Variants in KIAA1549L observed in about 807,000 individuals in gnomAD.
KIAA1549L encodes the protein UPF0606 protein KIAA1549L.
A neutral mutation model predicts 160.7 loss-of-function variants in KIAA1549L; 88 were observed. The observed-to-expected ratio is 0.55, with a 90% CI of 0.46 to 0.65. KIAA1549L has a LOEUF of 0.65. Ranked by LOEUF, KIAA1549L falls within the 30% of genes least tolerant of loss-of-function variation. The probability of loss-of-function intolerance (pLI) is 0.00; values close to 1 mark genes in which losing one functional copy is unlikely to be tolerated. For missense variants in KIAA1549L, 2,258 were observed against 2,437.5 expected, an observed-to-expected ratio of 0.93 and a Z score of 1.55; for synonymous variants, 950 against 976.7, an observed-to-expected ratio of 0.97 and a Z score of 0.51.
intron 15 of KIAA1549L, among the ~76,000 whole-genome samples, chr11:33,612,537 G>A (rs954518086): frequency 2.6e-5 from 4 of 152,014 alleles, no homozygotes; most frequent in Non-Finnish European, 4.4e-5. Flanking sequence ...GATTACAGGC[G>A]TGAGCCACTG....
At chr11:33,455,246 C>CTTT in intron 1 of KIAA1549L, among the ~76,000 whole-genome samples, 1 of 152,206 alleles carries the variant, frequency 6.6e-6, no homozygotes, top group South Asian at 2.1e-4. Context: ...ATAACAAGTG[C>CTTT]TTTAGAACTG....
At position 33,543,045 on chromosome 11, in the gene KIAA1549L, A is replaced by G. The variant is rs756747967; in HGVS notation, c.1482A>G (p.Pro494=). 3.7e-6 allele frequency: 6 copies of G among 1,613,910 alleles called. No individual in the cohort carries two copies. Among genetic ancestry groups the G allele is most frequent in the African/African-American group, 1.3e-5 (1 of 75,046 alleles). ...AILSGAVPAS[P]STGTADFPSI... is the part of the protein sequence containing the mutation. ...TTTCTGGGGCGGTTCCCGCATCACCATCAACTGGGACAGCCGACTTTCCCT... is the reference window on the plus strand; with the variant it reads ...TTTCTGGGGCGGTTCCCGCATCACCGTCAACTGGGACAGCCGACTTTCCCT... The change falls in exon 2 of 21, where the codon CCA becomes CCG. Residue 494 remains proline, a synonymous_variant. Transcript: ENST00000658780.
In KIAA1549L at chr11:33,380,456, G is replaced by C. The variant is rs552200799; in HGVS notation, c.238+3567G>C. The stretch of plus-strand genomic sequence containing the variant: ...ATACCAAAGAATTTCTTCTGATTAC[G>C]TGATCAATTTTAGCATCAGTGACGT... On this transcript the variant is annotated intron_variant, in intron 1 of 20. Coordinates refer to ENST00000658780, the MANE Select transcript of KIAA1549L (RefSeq NM_012194.3). Among the ~76,000 whole-genome samples, 16 of 152,284 alleles carry C rather than the reference G, an allele frequency of 1.1e-4. No individual in the cohort carries two copies. The South Asian group carries it at 2.7e-3, about 26-fold the overall frequency.
At chr11:33,521,325 G>A (rs1590307301) in intron 1 of KIAA1549L, among the ~76,000 whole-genome samples, 1 of 152,338 alleles carries the variant, frequency 6.6e-6, no homozygotes, top group South Asian at 2.1e-4. Context: ...GACAGCCTGA[G>A]TTAAAATCAC....
chr11:33,580,571 C>CAAAA (rs368467299), intron 10 of KIAA1549L, among the ~76,000 whole-genome samples: 3 of 52,464 alleles, frequency 5.7e-5, no homozygotes, highest in South Asian at 7.4e-4. Context: ...GATTCTGCCT[C>CAAAA]AAAAAAAAAA....
chr11:33,599,946 C>T (rs771145288), intron 13 of KIAA1549L, among the ~76,000 whole-genome samples: 9 of 152,132 alleles, frequency 5.9e-5, no homozygotes, highest in Non-Finnish European at 8.8e-5. Context: ...TGCAGGGACT[C>T]TTTCTTGAAG....
At chr11:33,555,072 C>G (rs7120679) in intron 6 of KIAA1549L, among the ~76,000 whole-genome samples, 1 of 146,380 alleles carries the variant, frequency 6.8e-6, no homozygotes, top group African/African-American at 2.6e-5. Flanking sequence ...TGGAGCTAGT[C>G]TTAAGTATAC....
chr11:33,613,257 C>G (rs1850693705), intron 15 of KIAA1549L, among the ~76,000 whole-genome samples: 1 of 152,192 alleles, frequency 6.6e-6, no homozygotes, highest in Non-Finnish European at 1.5e-5. Flanking sequence ...TGTAACCTCA[C>G]CAGCATCTAC....
At chr11:33,667,484 C>T (rs1852507783) in intron 20 of KIAA1549L, among the ~76,000 whole-genome samples, 1 of 152,108 alleles carries the variant, frequency 6.6e-6, no homozygotes, top group East Asian at 1.9e-4. Context: ...CCTCTGCCTC[C>T]CGGGTTCAAG....
At chr11:33,659,275 A>C (rs1016880564) in intron 19 of KIAA1549L, among the ~76,000 whole-genome samples, 1 of 152,252 alleles carries the variant, frequency 6.6e-6, no homozygotes, top group Non-Finnish European at 1.5e-5. Context: ...CCTTTGCCAC[A>C]TATGTATGTT....
At position 33,435,759 on chromosome 11, in the gene KIAA1549L, GATATATATAT is replaced by G. The variant is rs71034686; in HGVS notation, c.238+58913_238+58922del. Among the ~76,000 whole-genome samples, 36 of 14,972 alleles carry G rather than the reference GATATATATAT, an allele frequency of 2.4e-3. 3 individuals are homozygous for G. The highest frequency in any genetic ancestry group is 7.7e-3 in the East Asian group (4 of 520). 9.8% of individuals were successfully genotyped at this position (14,972 alleles called of 152,430 possible). On this transcript the variant is annotated intron_variant, in intron 1 of 20. Coordinates refer to ENST00000658780, the MANE Select transcript of KIAA1549L (RefSeq NM_012194.3). Reference sequence around the variant, plus strand: ...CCTTCCAGAGAAACAGAACCAATAAGATATATATATATATATATATATATATATATATATA... The same window carrying G: ...CCTTCCAGAGAAACAGAACCAATAAGATATATATATATATATATATATATA...
chr11:33,430,808 A>T (rs1312117332), intron 1 of KIAA1549L, among the ~76,000 whole-genome samples: 2 of 152,214 alleles, frequency 1.3e-5, no homozygotes, highest in Non-Finnish European at 2.9e-5. Context: ...AGACCCAAAC[A>T]TATAGCACCG....
At chr11:33,475,109 C>T (rs950325020) in intron 1 of KIAA1549L, among the ~76,000 whole-genome samples, 1 of 152,168 alleles carries the variant, frequency 6.6e-6, no homozygotes, top group Non-Finnish European at 1.5e-5. Context: ...CATTCTCCTG[C>T]AATGACTTTC....
chr11:33,532,383 AATAATG>A (rs1565171926), intron 1 of KIAA1549L, among the ~76,000 whole-genome samples: 1 of 152,260 alleles, frequency 6.6e-6, no homozygotes, highest in African/African-American at 2.4e-5. Flanking sequence ...GGACTGAACA[AATAATG>A]ATAATAATAA....
At chr11:33,530,057 T>C (rs1019653596) in intron 1 of KIAA1549L, among the ~76,000 whole-genome samples, 24 of 152,040 alleles carry the variant, frequency 1.6e-4, no homozygotes, top group African/African-American at 5.6e-4. Context: ...TTAAGTGGAC[T>C]TGACTCCCCT....
At chr11:33,500,469 A>T (rs1176342476) in intron 1 of KIAA1549L, among the ~76,000 whole-genome samples, 1 of 152,218 alleles carries the variant, frequency 6.6e-6, no homozygotes, top group Non-Finnish European at 1.5e-5. Flanking sequence ...AATATTCTTC[A>T]TTAAAACTCA....
chr11:33,424,154 C>G (rs1851072776), intron 1 of KIAA1549L, among the ~76,000 whole-genome samples: 1 of 152,160 alleles, frequency 6.6e-6, no homozygotes, highest in Admixed American at 6.5e-5. Context: ...CCAGACAAAG[C>G]AAAAGCAGAT....
intron 1 of KIAA1549L, among the ~76,000 whole-genome samples, chr11:33,421,358 G>C (rs771349577): frequency 1.1e-4 from 17 of 152,358 alleles, no homozygotes; most frequent in Admixed American, 5.2e-4. Flanking sequence ...GGTGTCCCAT[G>C]ACAGGAGCTT....
chr11:33,380,456 G>A (rs552200799), intron 1 of KIAA1549L, among the ~76,000 whole-genome samples: 9 of 152,166 alleles, frequency 5.9e-5, no homozygotes, highest in African/African-American at 1.9e-4. Context: ...TTCTGATTAC[G>A]TGATCAATTT....
Sources: gnomAD v4.1 joint callset for allele counts (sites outside exome capture counted in the v4.1 genomes callset) on GRCh38, gnomAD v4.1.1 for gene constraint, MANE v1.5 for transcripts, NCBI Gene and HGNC (gene_info 2026-07-23, HGNC 2026-07-21) for gene names.